PAG1: variants seen among roughly 807,000 people sequenced by gnomAD.
PAG1 encodes the protein phosphoprotein membrane anchor with glycosphingolipid microdomains 1.
PAG1 carries 23 observed loss-of-function variants against 31.7 expected under a neutral mutation model. The ratio of observed to expected loss-of-function variants is 0.73; its 90% CI spans 0.52 to 1.03. PAG1 has a LOEUF of 1.03. PAG1 is among the 50% of genes least tolerant of loss of function. PAG1 has a pLI of 0.00. For synonymous variants in PAG1, 214 were observed against 210.3 expected, an observed-to-expected ratio of 1.02 and a Z score of -0.15; for missense variants, 473 against 540.7, an observed-to-expected ratio of 0.87 and a Z score of 1.24.
chr8:81,069,222 G>C (rs1035853189), intron 2 of PAG1, among the ~76,000 whole-genome samples: 5 of 152,208 alleles, frequency 3.3e-5, no homozygotes, highest in African/African-American at 1.2e-4. Context: ...GGCAAGAGAA[G>C]GAATTTCTCA....
chr8:81,088,912 A>G (rs1193200141), intron 1 of PAG1, among the ~76,000 whole-genome samples: 1 of 152,230 alleles, frequency 6.6e-6, no homozygotes, highest in Non-Finnish European at 1.5e-5. Context: ...TGTCAATAAT[A>G]GCTGATCTAT....
chr8:81,097,731 A>C (rs1189638332), intron 1 of PAG1, among the ~76,000 whole-genome samples: 1 of 152,018 alleles, frequency 6.6e-6, no homozygotes, highest in East Asian at 1.9e-4. Context: ...AAAAAGAAGT[A>C]ATAAACAGTA....
intron 1 of PAG1, among the ~76,000 whole-genome samples, chr8:81,110,476 T>C (rs556747934): frequency 2.6e-5 from 4 of 152,346 alleles, no homozygotes; most frequent in African/African-American, 9.6e-5. Flanking sequence ...CGGGAACAGC[T>C]GAGAAAGAAA....
At chr8:81,016,195 A>C (rs1171901170) in intron 3 of PAG1, among the ~76,000 whole-genome samples, 2 of 152,206 alleles carry the variant, frequency 1.3e-5, no homozygotes, top group African/African-American at 2.4e-5. Flanking sequence ...CTGTAGAATG[A>C]GCTGCTGAGT....
intron 3 of PAG1, among the ~76,000 whole-genome samples, chr8:81,019,983 G>A (rs1006495663): frequency 6.6e-6 from 1 of 152,150 alleles, no homozygotes; most frequent in Non-Finnish European, 1.5e-5. Flanking sequence ...ATATCAGCAT[G>A]CCCTGGATGT....
chr8:80,981,355 G>A (rs765736913), intron 7 of PAG1, among the ~76,000 whole-genome samples: 9 of 151,848 alleles, frequency 5.9e-5, no homozygotes, highest in Non-Finnish European at 1.3e-4. Context: ...CTAAGCTTAA[G>A]CTCCATAGTC....
At chr8:81,000,350 G>A (rs1304329562) in intron 3 of PAG1, among the ~76,000 whole-genome samples, 1 of 152,182 alleles carries the variant, frequency 6.6e-6, no homozygotes, top group Non-Finnish European at 1.5e-5. Flanking sequence ...ACAAGGAAGG[G>A]AAGGAGAGTA....
intron 1 of PAG1, among the ~76,000 whole-genome samples, chr8:81,108,138 G>C (rs950363380): frequency 2.6e-4 from 40 of 152,230 alleles, no homozygotes; most frequent in Non-Finnish European, 2.6e-4. Flanking sequence ...ATTCTGAGGA[G>C]TTAGTTAATA....
At chr8:81,045,941 T>C (rs927733086) in intron 2 of PAG1, among the ~76,000 whole-genome samples, 3 of 152,232 alleles carry the variant, frequency 2.0e-5, no homozygotes, top group African/African-American at 7.2e-5. Context: ...ACCATCCTAT[T>C]GCTTCAGCAT....
At chr8:80,997,272 A>G (rs939238593) in intron 3 of PAG1, among the ~76,000 whole-genome samples, 3 of 152,176 alleles carry the variant, frequency 2.0e-5, no homozygotes, top group Non-Finnish European at 4.4e-5. Flanking sequence ...AATATTACAT[A>G]GAATATTATT....
At chr8:81,029,943 C>T (rs1420392808) in intron 3 of PAG1, 53 bp downstream of exon 3, 1 of 152,208 alleles carries the variant, frequency 6.6e-6, no homozygotes, top group Admixed American at 6.5e-5. Flanking sequence ...GTACCACTGC[C>T]ATTCAAAAAT....
At chr8:81,065,980 A>G (rs554898105) in intron 2 of PAG1, among the ~76,000 whole-genome samples, 24 of 152,356 alleles carry the variant, frequency 1.6e-4, no homozygotes, top group Non-Finnish European at 7.3e-5. Context: ...ACATAGGGTT[A>G]TTCCAAAGTG....
At chr8:81,005,003 TTTACAG>T (rs1270596326) in intron 3 of PAG1, among the ~76,000 whole-genome samples, 20 of 152,216 alleles carry the variant, frequency 1.3e-4, no homozygotes, top group Non-Finnish European at 2.5e-4. Flanking sequence ...CTGATTTCAC[TTTACAG>T]TTAAAGTGAA....
At chr8:81,057,991 T>A (rs890156267) in intron 2 of PAG1, among the ~76,000 whole-genome samples, 1 of 152,144 alleles carries the variant, frequency 6.6e-6, no homozygotes, top group Non-Finnish European at 1.5e-5. Context: ...TATTTACTGA[T>A]AACAGTAAAT....
intron 3 of PAG1, among the ~76,000 whole-genome samples, chr8:80,994,975 T>G (rs1474062470): frequency 6.6e-6 from 1 of 152,218 alleles, no homozygotes; most frequent in Non-Finnish European, 1.5e-5. Context: ...TGTGACTGTT[T>G]TCAGCCATCC....
At chr8:81,068,316 C>A (rs1809040657) in intron 2 of PAG1, among the ~76,000 whole-genome samples, 1 of 152,152 alleles carries the variant, frequency 6.6e-6, no homozygotes, top group African/African-American at 2.4e-5. Flanking sequence ...TTTTGAATTT[C>A]AAATTAAAAC....
In PAG1 at chr8:81,086,228, G is replaced by A. The variant is rs566520924; in HGVS notation, c.-233-16058C>T. Among the ~76,000 whole-genome samples, 17 of 151,830 alleles carry A rather than the reference G, an allele frequency of 1.1e-4. No individual in the cohort carries two copies. The East Asian group carries it at 1.9e-3, about 17-fold the overall frequency. On this transcript the variant is annotated intron_variant, in intron 1 of 8. Transcript: ENST00000220597. ...GATCTCCTGACCTCGTGATCCGCCC[G>A]CCTCGGCCTCCCAAAGTGCTGGGAT...
At chr8:80,998,991 AC>A (rs1807737301) in intron 3 of PAG1, among the ~76,000 whole-genome samples, 1 of 152,160 alleles carries the variant, frequency 6.6e-6, no homozygotes, top group African/African-American at 2.4e-5. Context: ...CTCTAAATTA[AC>A]CAGATTTAAT....
In PAG1 at chr8:80,990,907, G is replaced by A. The variant is rs186901034; in HGVS notation, c.177+572C>T. ...AGACGAAGCTAGTTAATATGAGGTC[G>A]TGCTACAGTAGGGTGGGCACTAGTC... On this transcript the variant is annotated intron_variant, in intron 5 of 8. Coordinates refer to ENST00000220597, the MANE Select transcript of PAG1 (RefSeq NM_018440.4). This position sits in a 1 kb window ranked among gnomAD's most constrained non-coding sequence, Gnocchi z 5.1. 1.6e-4 allele frequency among the ~76,000 whole-genome samples: 24 copies of A among 152,296 alleles called. No homozygotes were observed. Among genetic ancestry groups the A allele is most frequent in the African/African-American group, 4.8e-4 (20 of 41,556 alleles).
Sources: gnomAD v4.1 joint callset for allele counts (sites outside exome capture counted in the v4.1 genomes callset) on GRCh38, gnomAD v4.1.1 for gene constraint, Gnocchi (gnomAD v3.1) non-coding constraint, MANE v1.5 for transcripts, NCBI Gene and HGNC (gene_info 2026-07-23, HGNC 2026-07-21) for gene names.